Variants in SUGCT observed in about 807,000 individuals in gnomAD.
SUGCT encodes the protein succinyl-CoA:glutarate-CoA transferase, also known as succinyl-CoA:glutarate CoA-transferase.
A neutral mutation model predicts 55.0 loss-of-function variants in SUGCT; 41 were observed. The ratio of observed to expected loss-of-function variants is 0.74; its 90% CI spans 0.58 to 0.97. The LOEUF is 0.97. Among genes scored for constraint, SUGCT ranks in the 50% least tolerant of loss-of-function variants. The pLI is 0.00. For missense variants in SUGCT, 568 were observed against 547.8 expected, an observed-to-expected ratio of 1.04 and a Z score of -0.37; for synonymous variants, 187 against 200.4, an observed-to-expected ratio of 0.93 and a Z score of 0.56.
chr7:40,388,383 C>G (rs999283489), intron 9 of SUGCT, among the ~76,000 whole-genome samples: 9 of 152,032 alleles, frequency 5.9e-5, no homozygotes, highest in Non-Finnish European at 1.2e-4. Flanking sequence ...AGTTTTAATA[C>G]AAGTCATTGA....
At chr7:40,285,441 G>T (rs1793265576) in intron 8 of SUGCT, among the ~76,000 whole-genome samples, 1 of 148,710 alleles carries the variant, frequency 6.7e-6, no homozygotes, top group Admixed American at 6.7e-5. Context: ...TCAGGTCAGG[G>T]AATTTTAAAT....
chr7:40,369,939 TG>T (rs1369668711), intron 9 of SUGCT, among the ~76,000 whole-genome samples: 1 of 152,072 alleles, frequency 6.6e-6, no homozygotes, highest in Non-Finnish European at 1.5e-5. Context: ...CTAGTGCTCG[TG>T]GGGAATGGTG....
intron 13 of SUGCT, among the ~76,000 whole-genome samples, chr7:40,804,057 T>C (rs1205787721): frequency 1.3e-5 from 2 of 152,190 alleles, no homozygotes; most frequent in Non-Finnish European, 2.9e-5. Context: ...TTTGAGATGA[T>C]AGTATTTTAT....
chr7:40,184,911 G>T (rs947100322), intron 3 of SUGCT, among the ~76,000 whole-genome samples: 3 of 152,138 alleles, frequency 2.0e-5, no homozygotes, highest in Non-Finnish European at 4.4e-5. Context: ...ACAGAAAGTA[G>T]AATGTTTGAT....
At chr7:40,850,984 C>T (rs1793822018) in intron 13 of SUGCT, among the ~76,000 whole-genome samples, 1 of 152,144 alleles carries the variant, frequency 6.6e-6, no homozygotes, top group Non-Finnish European at 1.5e-5. Flanking sequence ...CTCAGGGATT[C>T]ATAAGAAGCA....
chr7:40,429,711 G>A (rs570848739), intron 9 of SUGCT, among the ~76,000 whole-genome samples: 2 of 152,126 alleles, frequency 1.3e-5, no homozygotes, highest in African/African-American at 2.4e-5. Flanking sequence ...TTGAGGGTGG[G>A]TCTGCCTCTC....
chr7:40,605,662 A>G (rs6956277), intron 12 of SUGCT, among the ~76,000 whole-genome samples: 39,286 of 152,124 alleles, frequency 0.26, 7,052 homozygotes, highest in African/African-American at 0.51. Context: ...CTTAAAAAAC[A>G]CACTAATAAA....
the SUGCT span, among the ~76,000 whole-genome samples, chr7:40,888,881 C>G: frequency 6.6e-6 from 1 of 152,228 alleles, no homozygotes; most frequent in Admixed American, 6.5e-5. Flanking sequence ...GCAGTGTCCA[C>G]TTCTGTTTCT....
At chr7:40,730,087 A>C (rs1786816552) in intron 12 of SUGCT, among the ~76,000 whole-genome samples, 1 of 152,100 alleles carries the variant, frequency 6.6e-6, no homozygotes, top group Non-Finnish European at 1.5e-5. Flanking sequence ...GGATTTGAAC[A>C]CAGGAGAGTC....
At chr7:40,199,385 G>C (rs1786466274) in intron 6 of SUGCT, among the ~76,000 whole-genome samples, 1 of 152,186 alleles carries the variant, frequency 6.6e-6, no homozygotes, top group Non-Finnish European at 1.5e-5. Flanking sequence ...AGGAAGCTGA[G>C]TATGCACATT....
intron 6 of SUGCT, among the ~76,000 whole-genome samples, chr7:40,216,031 G>A (rs1454114486): frequency 1.3e-5 from 2 of 151,256 alleles, no homozygotes; most frequent in Non-Finnish European, 2.9e-5. Flanking sequence ...AAATATTTGA[G>A]CTATTATTAC....
intron 12 of SUGCT, among the ~76,000 whole-genome samples, chr7:40,718,239 G>C (rs1453608220): frequency 6.6e-6 from 1 of 152,126 alleles, no homozygotes; most frequent in African/African-American, 2.4e-5. Flanking sequence ...TGTGTATTAA[G>C]ACTCTAACCT....
At chr7:40,989,605 T>TAAA in the SUGCT span, among the ~76,000 whole-genome samples, 1 of 132,552 alleles carries the variant, frequency 7.5e-6, no homozygotes, top group Non-Finnish European at 1.6e-5. Context: ...CCATCTCTAC[T>TAAA]AAAAAAAAAA....
At chr7:40,767,884 C>G (rs1268712151) in intron 13 of SUGCT, among the ~76,000 whole-genome samples, 1 of 152,066 alleles carries the variant, frequency 6.6e-6, no homozygotes, top group Non-Finnish European at 1.5e-5. Flanking sequence ...TTCCCATATC[C>G]TGGAAGGACA....
At chr7:41,006,841 C>T in the SUGCT span, among the ~76,000 whole-genome samples, 4 of 152,176 alleles carry the variant, frequency 2.6e-5, no homozygotes, top group Non-Finnish European at 5.9e-5. Context: ...CATCATTTGG[C>T]AGTCATTGCA....
At chr7:40,354,057 C>T (rs1270637158) in intron 9 of SUGCT, among the ~76,000 whole-genome samples, 1 of 152,058 alleles carries the variant, frequency 6.6e-6, no homozygotes, top group East Asian at 1.9e-4. Flanking sequence ...GTTTTGCCTC[C>T]CCCCGCAACA....
At chr7:40,181,210 TA>T (rs1371275644) in intron 2 of SUGCT, among the ~76,000 whole-genome samples, 1 of 152,108 alleles carries the variant, frequency 6.6e-6, no homozygotes, top group Non-Finnish European at 1.5e-5. Context: ...TATATAATCT[TA>T]AAAAACAAAA....
intron 12 of SUGCT, among the ~76,000 whole-genome samples, chr7:40,542,100 G>A (rs1023083943): frequency 1.3e-5 from 2 of 152,202 alleles, no homozygotes; most frequent in East Asian, 3.8e-4. Flanking sequence ...TTTGGTTGGA[G>A]CAGAGGGTAT....
chr7:40,525,781 T>G (rs1793762637), intron 12 of SUGCT, among the ~76,000 whole-genome samples: 1 of 152,182 alleles, frequency 6.6e-6, no homozygotes, highest in Non-Finnish European at 1.5e-5. Context: ...TTTAAATACT[T>G]AGACACAATC....
Sources: gnomAD v4.1 joint callset for allele counts (sites outside exome capture counted in the v4.1 genomes callset) on GRCh38, gnomAD v4.1.1 for gene constraint, MANE v1.5 for transcripts, NCBI Gene and HGNC (gene_info 2026-07-23, HGNC 2026-07-21) for gene names.